FSHR: variants seen among roughly 807,000 people sequenced by gnomAD.
The protein encoded by FSHR is follicle-stimulating hormone receptor.
Under a neutral mutation model 52.1 loss-of-function variants are expected in FSHR, and 46 were observed. The ratio of observed to expected loss-of-function variants is 0.88; its 90% CI spans 0.70 to 1.13. FSHR has a LOEUF of 1.13. FSHR is among the 50% of genes most tolerant of loss of function. FSHR has a pLI of 0.00. For missense variants in FSHR, 964 were observed against 834.6 expected, an observed-to-expected ratio of 1.16 and a Z score of -1.91; for synonymous variants, 399 against 309.6, an observed-to-expected ratio of 1.29 and a Z score of -3.03.
intron 4 of FSHR, among the ~76,000 whole-genome samples, chr2:49,004,729 C>T (rs765630845): frequency 6.6e-6 from 1 of 152,070 alleles, no homozygotes; most frequent in Non-Finnish European, 1.5e-5. Flanking sequence ...AGAAAAAAAT[C>T]AGAGCTAAGC....
chr2:49,000,553 T>A (rs1326436952), intron 4 of FSHR, among the ~76,000 whole-genome samples: 1 of 152,152 alleles, frequency 6.6e-6, no homozygotes, highest in Admixed American at 6.5e-5. Flanking sequence ...AAATGTTACA[T>A]TCCAGGTTTC....
chr2:49,128,089 C>T (rs1222419073), intron 1 of FSHR, among the ~76,000 whole-genome samples: 1 of 151,522 alleles, frequency 6.6e-6, no homozygotes, highest in Non-Finnish European at 1.5e-5. Flanking sequence ...ACCATGTTGG[C>T]CAGGCTGGTC....
intron 2 of FSHR, among the ~76,000 whole-genome samples, chr2:49,061,240 C>G (rs763069663): frequency 6.6e-6 from 1 of 152,064 alleles, no homozygotes; most frequent in Non-Finnish European, 1.5e-5. Flanking sequence ...GTATGCAAGA[C>G]CATAAGCCTG....
At position 49,127,807 on chromosome 2, in the gene FSHR, TC is replaced by T. The variant is rs1672081175; in HGVS notation, c.152+26458del. ...TTCTTCTTCTTCTTCTTCTTCTTCT[TC>T]TTCTTCTTCTTCTTCTTCTTCCTCT... On this transcript the variant is annotated intron_variant, in intron 1 of 9. Transcript: ENST00000406846. Among the ~76,000 whole-genome samples, 11 of 57,972 alleles carry T rather than the reference TC, an allele frequency of 1.9e-4. No individual in the cohort carries two copies. In the East Asian group the frequency reaches 2.7e-3, roughly 14 times the overall value. The allele number at this position is 57,972 out of a possible 152,430, so 38.0% of individuals were successfully genotyped here.
intron 2 of FSHR, among the ~76,000 whole-genome samples, chr2:49,063,773 A>G (rs1669402280): frequency 6.6e-6 from 1 of 152,186 alleles, no homozygotes; most frequent in Admixed American, 6.6e-5. Flanking sequence ...TAGGGCAACT[A>G]TAATTAACAA....
intron 2 of FSHR, among the ~76,000 whole-genome samples, chr2:49,048,745 A>G (rs971284856): frequency 3.3e-5 from 5 of 152,116 alleles, no homozygotes; most frequent in African/African-American, 1.2e-4. Flanking sequence ...CTGCCTGCTT[A>G]ACTTCTGGAA....
chr2:49,134,658 A>C (rs1672421688), intron 1 of FSHR, among the ~76,000 whole-genome samples: 1 of 152,230 alleles, frequency 6.6e-6, no homozygotes, highest in East Asian at 1.9e-4. Flanking sequence ...AAGACTTGGA[A>C]CCAACCCAAA....
At chr2:49,145,910 G>A (rs777592747) in intron 1 of FSHR, among the ~76,000 whole-genome samples, 5 of 152,174 alleles carry the variant, frequency 3.3e-5, no homozygotes, top group Admixed American at 2.0e-4. Flanking sequence ...GGAGAAAATA[G>A]TAGTACTTGA....
At chr2:49,144,250 A>G (rs950767437) in intron 1 of FSHR, among the ~76,000 whole-genome samples, 13 of 152,144 alleles carry the variant, frequency 8.5e-5, no homozygotes, top group Admixed American at 6.6e-4. Context: ...CCCAACAAAC[A>G]GCCTAGCTGT....
chr2:49,127,738 TTTCTTCTTCTTCTTTC>T (rs1558456142), intron 1 of FSHR, among the ~76,000 whole-genome samples: 1 of 126,126 alleles, frequency 7.9e-6, no homozygotes, highest in Non-Finnish European at 1.6e-5. Flanking sequence ...TTGTGCATGA[TTTCTTCTTCTTCTTTC>T]TTCTTCTTCT....
intron 4 of FSHR, among the ~76,000 whole-genome samples, chr2:49,001,773 C>G (rs1047464234): frequency 6.6e-6 from 1 of 152,098 alleles, no homozygotes; most frequent in Non-Finnish European, 1.5e-5. Flanking sequence ...TGGCTTCATC[C>G]ACATTCTAAA....
At chr2:49,066,547 C>A (rs933355038) in intron 2 of FSHR, among the ~76,000 whole-genome samples, 6 of 152,122 alleles carry the variant, frequency 3.9e-5, no homozygotes, top group East Asian at 3.9e-4. Context: ...GGTAAAAAAA[C>A]AAGATCAATT....
intron 2 of FSHR, among the ~76,000 whole-genome samples, chr2:49,023,624 G>A (rs774589403): frequency 2.0e-4 from 30 of 152,128 alleles, no homozygotes; most frequent in South Asian, 6.2e-4. Context: ...ACCTTTATCC[G>A]TGCCTCTCTG....
chr2:49,110,000 C>T (rs955678369), intron 1 of FSHR, among the ~76,000 whole-genome samples: 6 of 152,036 alleles, frequency 3.9e-5, no homozygotes, highest in Non-Finnish European at 1.5e-5. Context: ...GAGGCAGGGT[C>T]AGAACAGTTG....
At position 49,010,086 on chromosome 2, in the gene FSHR, G is replaced by A. The variant is rs1484567797; in HGVS notation, c.374+7403C>T. Among the ~76,000 whole-genome samples, 5 of 75,332 alleles carry A rather than the reference G, an allele frequency of 6.6e-5. 2 individuals carry two copies. Among genetic ancestry groups the A allele is most frequent in the Non-Finnish European group, 1.4e-4 (4 of 27,722 alleles). 49.4% of individuals were successfully genotyped at this position (75,332 alleles called of 152,430 possible). ...TATGTTGAATAGGACCGGTGAGAGA[G>A]GGCATCCCTGTCTTGTGCCAGTTTT... On this transcript the variant is annotated intron_variant, in intron 4 of 9. Coordinates refer to ENST00000406846, the MANE Select transcript of FSHR (RefSeq NM_000145.4).
chr2:49,068,376 A>G, intron 1 of FSHR, 86 bp from the exon 2 acceptor site: 1 of 1,105,498 alleles, frequency 9.0e-7, no homozygotes, highest in South Asian at 1.2e-5. Flanking sequence ...GCAAACAGTT[A>G]CCATATACTA....
chr2:49,109,289 G>T (rs1001746273), intron 1 of FSHR, among the ~76,000 whole-genome samples: 45 of 152,234 alleles, frequency 3.0e-4, no homozygotes, highest in African/African-American at 9.2e-4. Flanking sequence ...AGAGGAAAGA[G>T]ACACTTGAGA....
At chr2:49,127,243 G>T (rs1311491813) in intron 1 of FSHR, among the ~76,000 whole-genome samples, 1 of 151,702 alleles carries the variant, frequency 6.6e-6, no homozygotes, top group African/African-American at 2.4e-5. Flanking sequence ...CAGGAGAATC[G>T]CTTGAACCTG....
chr2:49,143,777 C>T (rs1672774565), intron 1 of FSHR, among the ~76,000 whole-genome samples: 1 of 152,042 alleles, frequency 6.6e-6, no homozygotes, highest in South Asian at 2.1e-4. Flanking sequence ...ACTTTGCAAG[C>T]ACATTAAAGT....
Sources: gnomAD v4.1 joint callset for allele counts (sites outside exome capture counted in the v4.1 genomes callset) on GRCh38, gnomAD v4.1.1 for gene constraint, MANE v1.5 for transcripts, NCBI Gene and HGNC (gene_info 2026-07-23, HGNC 2026-07-21) for gene names.